The following RMDN3 variants were observed in gnomAD, a reference collection of about 807,000 sequenced individuals.
RMDN3 encodes regulator of microtubule dynamics protein 3.
A neutral mutation model predicts 61.8 loss-of-function variants in RMDN3; 41 were observed. The observed-to-expected ratio is 0.66, with a 90% CI of 0.52 to 0.86. The LOEUF (loss-of-function observed/expected upper bound fraction) is 0.86. Among genes scored for constraint, RMDN3 ranks in the 40% least tolerant of loss-of-function variants. The pLI is 0.00. For synonymous variants in RMDN3, 247 were observed against 232.0 expected (o/e 1.06, Z -0.59); for missense variants, 557 against 585.3 (o/e 0.95, Z 0.50).
chr15:40,748,551 C>T (rs1897674725), intron 4 of RMDN3, among the ~76,000 whole-genome samples: 1 of 152,236 alleles, frequency 6.6e-6, no homozygotes, highest in Admixed American at 6.5e-5. Flanking sequence ...TGAAGGACCC[C>T]CAGGTGTCCC....
At chr15:40,750,568 G>A (rs772209836) in intron 4 of RMDN3, among the ~76,000 whole-genome samples, 10 of 151,554 alleles carry the variant, frequency 6.6e-5, no homozygotes, top group East Asian at 5.8e-4. Flanking sequence ...CTCCTGTCTC[G>A]GCCTCCCAAA....
intron 4 of RMDN3, among the ~76,000 whole-genome samples, chr15:40,749,912 CTCT>C (rs1212986295): frequency 6.6e-6 from 1 of 152,166 alleles, no homozygotes; most frequent in Non-Finnish European, 1.5e-5. Context: ...GAGCAGAGAG[CTCT>C]TCACCACCAC....
At chr15:40,753,098 A>T (rs192921060) in intron 2 of RMDN3, among the ~76,000 whole-genome samples, 3 of 152,224 alleles carry the variant, frequency 2.0e-5, no homozygotes, top group Non-Finnish European at 4.4e-5. Context: ...TTACCACAAG[A>T]TTATAAAATG....
chr15:40,741,816 A>G (rs1897297335), intron 6 of RMDN3, among the ~76,000 whole-genome samples: 1 of 150,784 alleles, frequency 6.6e-6, no homozygotes, highest in African/African-American at 2.4e-5. Context: ...TTTAGTAGAG[A>G]CAGTTTTGCC....
intron 4 of RMDN3, among the ~76,000 whole-genome samples, chr15:40,749,407 T>C (rs529302451): frequency 1.4e-3 from 210 of 152,330 alleles, no homozygotes; most frequent in African/African-American, 4.9e-3. Flanking sequence ...GTCCCAGCTA[T>C]TCAGAAGGCT....
Position 40,740,150 on chromosome 15 carries a change from ACT to A in RMDN3, c.952_953del (p.Ser318CysfsTer2). 1 of 1,611,740 alleles carries A rather than the reference ACT, an allele frequency of 6.2e-7. No homozygotes were observed. The highest frequency in any genetic ancestry group is 8.5e-7 in the Non-Finnish European group (1 of 1,178,368). ...GTTATTACCACAGGTGACAGTCAGC[ACT>A]CTCATCCCCCTTCTCCAGAGCAGCC... is the stretch of plus-strand genomic sequence containing the variant. ...AEAALEKGDE[S>X]ADCHLWYAVL... On this transcript the variant is annotated frameshift_variant, in exon 7 of 13. Coordinates refer to ENST00000338376, the MANE Select transcript of RMDN3 (RefSeq NM_018145.3). LOFTEE classifies it high-confidence loss of function.
At chr15:40,744,178 C>G in intron 5 of RMDN3, 29 bp from the exon 6 acceptor site, 1 of 1,605,156 alleles carries the variant, frequency 6.2e-7, no homozygotes, top group South Asian at 1.1e-5. Flanking sequence ...CGGGTGAGGC[C>G]CCTTTTTCCT....
chr15:40,745,523 C>T (rs1478669515), intron 4 of RMDN3, among the ~76,000 whole-genome samples: 2 of 151,338 alleles, frequency 1.3e-5, no homozygotes, highest in Non-Finnish European at 2.9e-5. Context: ...AGCAATTCTC[C>T]CACCTAATTT....
intron 2 of RMDN3, among the ~76,000 whole-genome samples, chr15:40,753,761 C>T (rs1169735874): frequency 6.6e-6 from 1 of 152,188 alleles, no homozygotes; most frequent in Non-Finnish European, 1.5e-5. Flanking sequence ...GCCACTTAAT[C>T]TGTGACAGCC....
chr15:40,755,026 C>A, intron 1 of RMDN3, 57 bp downstream of exon 1: 3 of 474,876 alleles, frequency 6.3e-6, no homozygotes, highest in Non-Finnish European at 1.1e-5. Flanking sequence ...AGCCGCCCCT[C>A]CAGTACACCC....
intron 2 of RMDN3, among the ~76,000 whole-genome samples, chr15:40,753,036 C>G (rs184612634): frequency 6.6e-6 from 1 of 152,184 alleles, no homozygotes; most frequent in Admixed American, 6.5e-5. Context: ...AACACTACTG[C>G]GAAGCAATTA....
At chr15:40,737,842 AC>A in intron 9 of RMDN3, 116 bp from the exon 10 acceptor site, 1 of 1,432,710 alleles carries the variant, frequency 7.0e-7, no homozygotes, top group Non-Finnish European at 9.8e-7. Context: ...CACCAATAAT[AC>A]GAGCATTCAG....
At chr15:40,743,440 T>C (rs555354946) in intron 6 of RMDN3, among the ~76,000 whole-genome samples, 1 of 151,924 alleles carries the variant, frequency 6.6e-6, no homozygotes, top group African/African-American at 2.4e-5. Context: ...AAAATAGATA[T>C]TAACTGAACC....
rs760445620 is a variant in RMDN3, at chr15:40,737,769, G to GT, written c.1126-44dup. 274 of 1,584,008 alleles carry GT rather than the reference G, an allele frequency of 1.7e-4. No individual in the cohort carries two copies. The African/African-American group carries it at 3.0e-3, about 17-fold the overall frequency. ...AGGTGTGTATAAGAGGTTTTAAAAG[G>GT]TTTTTTTTCTTTAAATCTTTGGGGA... On this transcript the variant is annotated intron_variant, in intron 9 of 12. Transcript: ENST00000338376.
chr15:40,754,127 C>CTTTTTTTTTTTTTT lies in RMDN3; in HGVS notation c.187+456_187+469dup, dbSNP rs71428308. ...GAAAGAGTAGAGAAAACCACGACTGCTTTTTTTTTTTTTTTTTTTTTGAGA... is the reference window on the plus strand; with the variant it reads ...GAAAGAGTAGAGAAAACCACGACTGCTTTTTTTTTTTTTTTTTTTTTTTTTTTTTTTTTTTGAGA... On this transcript the variant is annotated intron_variant, in intron 2 of 12. Coordinates refer to ENST00000338376, the MANE Select transcript of RMDN3 (RefSeq NM_018145.3). Among the ~76,000 whole-genome samples, 2 of 123,884 alleles carry CTTTTTTTTTTTTTT rather than the reference C, an allele frequency of 1.6e-5. 1 individual carries two copies. Among genetic ancestry groups the CTTTTTTTTTTTTTT allele is most frequent in the African/African-American group, 6.3e-5 (2 of 31,780 alleles). The allele number at this position is 123,884 out of a possible 152,430, so 81.3% of individuals were successfully genotyped here. A position where few individuals can be genotyped will look rare whatever the true frequency, so the allele number is the denominator to read the frequency against.
In RMDN3 at chr15:40,738,002, G is replaced by A. The variant is rs764521318; in HGVS notation, c.1088C>T (p.Pro363Leu). ...CCTGCCAAGAAGAAAGTGAGCCATGGGGTTTTCTGGCTGGAGAGCAATGGC... is the reference window on the plus strand; with the variant it reads ...CCTGCCAAGAAGAAAGTGAGCCATGAGGTTTTCTGGCTGGAGAGCAATGGC... ...DKAIALQPEN[P>L]MAHFLLGRWC... Residue 363 changes from proline to leucine, a missense_variant, in exon 9 of 13, where the codon CCC becomes CTC. Physicochemically the swap from Pro to Leu is moderately conservative, Grantham distance 98. Coordinates refer to ENST00000338376, the MANE Select transcript of RMDN3 (RefSeq NM_018145.3). 6.2e-7 allele frequency: 1 copy of A among 1,614,210 alleles called. No homozygotes were observed. Among genetic ancestry groups the A allele is most frequent in the East Asian group, 2.2e-5 (1 of 44,890 alleles).
intron 6 of RMDN3, among the ~76,000 whole-genome samples, chr15:40,742,497 G>A (rs763190047): frequency 6.6e-6 from 1 of 152,198 alleles, no homozygotes; most frequent in Non-Finnish European, 1.5e-5. Context: ...AAGCTAGACA[G>A]ACAGTGTTGT....
At chr15:40,738,751 A>T in intron 7 of RMDN3, 175 bp from the exon 8 acceptor site, 4 of 628,840 alleles carry the variant, frequency 6.4e-6, no homozygotes. Context: ...CTCTGGCCCC[A>T]ATTAGTATTC....
intron 7 of RMDN3, chr15:40,738,865 A>T (rs1367986773): frequency 2.3e-6 from 1 of 428,168 alleles, no homozygotes. Flanking sequence ...TCTCTCCTAC[A>T]CTCATAAGGA....
Sources: allele counts gnomAD v4.1 joint callset (sites outside exome capture counted in the v4.1 genomes callset), GRCh38; gene constraint gnomAD v4.1.1; transcripts MANE v1.5; gene names NCBI Gene and HGNC (gene_info 2026-07-23, HGNC 2026-07-21).